Variants in CNTNAP2 observed in about 807,000 individuals in gnomAD.
CNTNAP2 encodes the protein contactin-associated protein-like 2.
In CNTNAP2, 98 loss-of-function variants were observed where a neutral mutation model predicts 155.2. That is an observed-to-expected ratio of 0.63 (90% confidence interval 0.54 to 0.75). The LOEUF is 0.75. Ranked by LOEUF, CNTNAP2 falls within the 30% of genes least tolerant of loss-of-function variation. The probability of loss-of-function intolerance (pLI) is 0.00; values close to 1 mark genes in which losing one functional copy is unlikely to be tolerated. For missense variants in CNTNAP2, 1,727 were observed against 1,688.1 expected (o/e 1.02, Z -0.40); for synonymous variants, 651 against 631.2 (o/e 1.03, Z -0.47).
At chr7:146,207,637 G>GTTTTTTTTTTTTTTTTT (rs57881187) in intron 1 of CNTNAP2, among the ~76,000 whole-genome samples, 4 of 122,360 alleles carry the variant, frequency 3.3e-5, no homozygotes, top group African/African-American at 3.0e-5. Context: ...ACAGGACTGT[G>GTTTTTTTTTTTTTTTTT]TTTTTTTTTT....
chr7:146,124,766 G>C (rs747941018), intron 1 of CNTNAP2, among the ~76,000 whole-genome samples: 1 of 151,988 alleles, frequency 6.6e-6, no homozygotes, highest in African/African-American at 2.4e-5. Context: ...AACATGATTC[G>C]GGTGTTTTTT....
chr7:146,859,799 T>C (rs1795064259), intron 3 of CNTNAP2, among the ~76,000 whole-genome samples: 1 of 151,170 alleles, frequency 6.6e-6, no homozygotes, highest in Admixed American at 6.6e-5. Flanking sequence ...AAGAGAAAAA[T>C]ATTGCACGTG....
chr7:147,431,289 C>T (rs1463370686), intron 10 of CNTNAP2, among the ~76,000 whole-genome samples: 1 of 152,090 alleles, frequency 6.6e-6, no homozygotes, highest in Non-Finnish European at 1.5e-5. Flanking sequence ...AATAAATTTT[C>T]TTATTCTTTC....
chr7:147,238,172 G>T (rs543528600), intron 8 of CNTNAP2, among the ~76,000 whole-genome samples: 15 of 152,064 alleles, frequency 9.9e-5, no homozygotes, highest in Admixed American at 2.0e-4. Flanking sequence ...CCGCCACCAC[G>T]CCCGGCTAAT....
chr7:147,717,847 C>G (rs1324242447), intron 13 of CNTNAP2, among the ~76,000 whole-genome samples: 1 of 151,868 alleles, frequency 6.6e-6, no homozygotes, highest in African/African-American at 2.4e-5. Context: ...TGCCACTGCA[C>G]TCCAGCCTGG....
intron 4 of CNTNAP2, among the ~76,000 whole-genome samples, chr7:147,094,497 G>A (rs1293476791): frequency 6.6e-6 from 1 of 151,112 alleles, no homozygotes; most frequent in Non-Finnish European, 1.5e-5. Context: ...CGCCTCCTGG[G>A]TTCACGCCAT....
intron 21 of CNTNAP2, 121 bp from the exon 22 acceptor site, chr7:148,383,528 A>G: frequency 7.1e-7 from 1 of 1,404,452 alleles, no homozygotes; most frequent in Non-Finnish European, 1.0e-6. Context: ...ATCCAAAACA[A>G]TGTAACATCT....
intron 9 of CNTNAP2, among the ~76,000 whole-genome samples, chr7:147,342,974 G>A (rs1442103877): frequency 1.3e-5 from 2 of 151,946 alleles, no homozygotes; most frequent in Non-Finnish European, 2.9e-5. Context: ...CATAAAATTT[G>A]TATGTTAATA....
intron 1 of CNTNAP2, among the ~76,000 whole-genome samples, chr7:146,433,199 A>G (rs1390134721): frequency 6.6e-6 from 1 of 152,188 alleles, no homozygotes; most frequent in Non-Finnish European, 1.5e-5. Context: ...TGAATTTAGC[A>G]TATTTGTTAC....
chr7:148,038,344 C>T (rs17545705), intron 15 of CNTNAP2, among the ~76,000 whole-genome samples: 17,666 of 152,228 alleles, frequency 0.12, 1,351 homozygotes, highest in Middle Eastern at 0.21. Context: ...CTTTCCCAAG[C>T]TGCTTCCGCA....
chr7:146,428,597 TG>T (rs1482119329), intron 1 of CNTNAP2, among the ~76,000 whole-genome samples: 4 of 152,048 alleles, frequency 2.6e-5, no homozygotes, highest in African/African-American at 7.2e-5. Flanking sequence ...TGGGGTTGTT[TG>T]TTTTTTTTTC....
intron 11 of CNTNAP2, chr7:147,496,812 A>C (rs968884856): frequency 2.0e-5 from 3 of 151,830 alleles, no homozygotes; most frequent in Admixed American, 6.6e-5. Context: ...TTTTTTATAA[A>C]ATCATGATAA....
intron 1 of CNTNAP2, among the ~76,000 whole-genome samples, chr7:146,372,760 C>G (rs536084862): frequency 1.3e-5 from 2 of 152,034 alleles, no homozygotes; most frequent in Non-Finnish European, 2.9e-5. Context: ...AGGAGTTCAG[C>G]TCAAATGATC....
chr7:146,564,151 T>C lies in CNTNAP2; in HGVS notation c.98-210120T>C, dbSNP rs1355217333. 3.9e-5 allele frequency among the ~76,000 whole-genome samples: 6 copies of C among 152,260 alleles called. No individual in the cohort carries two copies. The South Asian group carries it at 1.2e-3, about 32-fold the overall frequency. Reference sequence around the variant, plus strand: ...TGTTAACATTTCATAGAAGTAAATGTACAATTTCCCAGAAGAAAAGTATCT... The same window carrying C: ...TGTTAACATTTCATAGAAGTAAATGCACAATTTCCCAGAAGAAAAGTATCT... On this transcript the variant is annotated intron_variant, in intron 1 of 23. Transcript: ENST00000361727.
chr7:147,670,373 G>A (rs1348885791), intron 13 of CNTNAP2, among the ~76,000 whole-genome samples: 1 of 152,122 alleles, frequency 6.6e-6, no homozygotes, highest in Admixed American at 6.5e-5. Context: ...GGCAGAAAAG[G>A]GTGGATCCCC....
chr7:147,086,195 TTAAA>T (rs1800273159), intron 4 of CNTNAP2, among the ~76,000 whole-genome samples: 1 of 152,154 alleles, frequency 6.6e-6, no homozygotes. Context: ...AAAATCATAT[TTAAA>T]TAGGAAAGAA....
intron 10 of CNTNAP2, among the ~76,000 whole-genome samples, chr7:147,414,941 C>CAAAAA (rs67048724): frequency 0.02 from 975 of 48,282 alleles, 4 homozygotes; most frequent in Non-Finnish European, 0.026. Flanking sequence ...GACTCCTTCT[C>CAAAAA]AAAAAAAAAA....
At chr7:146,915,863 G>T (rs574363449) in intron 3 of CNTNAP2, 1 of 152,224 alleles carries the variant, frequency 6.6e-6, no homozygotes, top group East Asian at 1.9e-4. Flanking sequence ...ATGTTGAATA[G>T]AAGTGGTGAA....
chr7:147,182,748 T>C (rs1176445025), intron 8 of CNTNAP2, among the ~76,000 whole-genome samples: 1 of 152,150 alleles, frequency 6.6e-6, no homozygotes, highest in Non-Finnish European at 1.5e-5. Context: ...ATTTCTCTGC[T>C]TTACAATTTA....
Sources: gnomAD v4.1 joint callset for allele counts (sites outside exome capture counted in the v4.1 genomes callset) on GRCh38, gnomAD v4.1.1 for gene constraint, MANE v1.5 for transcripts, NCBI Gene and HGNC (gene_info 2026-07-23, HGNC 2026-07-21) for gene names.